The following VEGFC variants were observed in gnomAD, a reference collection of about 807,000 sequenced individuals.
VEGFC encodes vascular endothelial growth factor C, also known as FLT4 ligand DHM.
A neutral mutation model predicts 46.1 loss-of-function variants in VEGFC; 12 were observed. That is an observed-to-expected ratio of 0.26 (90% CI 0.17 to 0.42). VEGFC has a LOEUF of 0.42. Among genes scored for constraint, VEGFC ranks in the 10% least tolerant of loss-of-function variants. The probability of loss-of-function intolerance (pLI) is 1.00; values close to 1 mark genes in which losing one functional copy is unlikely to be tolerated. For synonymous variants in VEGFC, 232 were observed against 195.5 expected (o/e 1.19, Z -1.56); for missense variants, 488 against 529.4 (o/e 0.92, Z 0.77).
chr4:176,739,709 C>T (rs1048525978), intron 1 of VEGFC, among the ~76,000 whole-genome samples: 6 of 151,414 alleles, frequency 4.0e-5, no homozygotes, highest in East Asian at 2.0e-4. Flanking sequence ...CATTTACCTA[C>T]GTAACAAACC....
At position 176,683,821 on chromosome 4, in the gene VEGFC, T is replaced by C. The variant is rs1733985228; in HGVS notation, c.*105A>G. 1 of 894,158 alleles carries C rather than the reference T, an allele frequency of 1.1e-6. No homozygotes were observed. 55.4% of individuals were successfully genotyped at this position (894,158 alleles called of 1,614,324 possible). A position where few individuals can be genotyped will look rare whatever the true frequency, so the allele number is the denominator to read the frequency against. On this transcript the variant is annotated 3_prime_UTR_variant, in exon 7 of 7. Coordinates refer to ENST00000618562, the MANE Select transcript of VEGFC (RefSeq NM_005429.5). ...GGTTCAGGAAAGACAGACTTTTGTC[T>C]TTGTTAGCATGGACCCACAAGGGTC...
intron 1 of VEGFC, among the ~76,000 whole-genome samples, chr4:176,775,672 T>C (rs1735803159): frequency 6.6e-6 from 1 of 152,370 alleles, no homozygotes; most frequent in African/African-American, 2.4e-5. Context: ...AATTCAGGCT[T>C]GCAAAAGCCT....
At chr4:176,771,892 G>A (rs780362681) in intron 1 of VEGFC, among the ~76,000 whole-genome samples, 4 of 152,174 alleles carry the variant, frequency 2.6e-5, no homozygotes, top group Non-Finnish European at 4.4e-5. Context: ...TATCAGAGGA[G>A]CCTGTGATCT....
chr4:176,771,544 A>G (rs1055080036), intron 1 of VEGFC, among the ~76,000 whole-genome samples: 1 of 152,188 alleles, frequency 6.6e-6, no homozygotes, highest in Non-Finnish European at 1.5e-5. Flanking sequence ...AAATGCACTA[A>G]ATGCATTTTT....
intron 1 of VEGFC, among the ~76,000 whole-genome samples, chr4:176,752,832 C>A (rs1257413408): frequency 6.6e-6 from 1 of 152,020 alleles, no homozygotes; most frequent in African/African-American, 2.4e-5. Context: ...GGCTAGGACA[C>A]TTGGTAGCAA....
intron 4 of VEGFC, among the ~76,000 whole-genome samples, chr4:176,693,980 C>T (rs1169934147): frequency 1.1e-4 from 16 of 151,436 alleles, no homozygotes; most frequent in South Asian, 6.3e-4. Flanking sequence ...CTGAAGGAAG[C>T]GCTAAATATG....
intron 3 of VEGFC, among the ~76,000 whole-genome samples, chr4:176,716,587 A>G (rs1472047174): frequency 1.1e-4 from 17 of 148,692 alleles, no homozygotes; most frequent in Admixed American, 1.1e-3. Flanking sequence ...CCTCTCCGAA[A>G]AAAAAAAAAA....
chr4:176,687,707 T>C, intron 5 of VEGFC, 114 bp downstream of exon 5: 1 of 1,010,322 alleles, frequency 9.9e-7, no homozygotes, highest in Non-Finnish European at 1.4e-6. Context: ...GTACTATTTT[T>C]TAGTCACTTA....
At chr4:176,780,175 T>A (rs1735887244) in intron 1 of VEGFC, among the ~76,000 whole-genome samples, 1 of 151,884 alleles carries the variant, frequency 6.6e-6, no homozygotes, top group African/African-American at 2.4e-5. Context: ...AGGTCAGGTG[T>A]TCAAGACCAG....
chr4:176,712,762 A>T (rs900139472), intron 3 of VEGFC, among the ~76,000 whole-genome samples: 3 of 152,210 alleles, frequency 2.0e-5, no homozygotes, highest in Non-Finnish European at 4.4e-5. Context: ...CATGCCAACA[A>T]GGAGACTTTT....
At chr4:176,747,598 C>T (rs1168222177) in intron 1 of VEGFC, among the ~76,000 whole-genome samples, 1 of 152,068 alleles carries the variant, frequency 6.6e-6, no homozygotes, top group South Asian at 2.1e-4. Flanking sequence ...TCAAGACCAT[C>T]CTGGGCAATA....
chr4:176,788,407 T>C (rs1176352487), intron 1 of VEGFC, among the ~76,000 whole-genome samples: 1 of 152,216 alleles, frequency 6.6e-6, no homozygotes, highest in Admixed American at 6.5e-5. Context: ...TCCTGCACGC[T>C]GCTATAGTGT....
At chr4:176,729,786 A>C (rs771410715) in intron 1 of VEGFC, 40 bp from the exon 2 acceptor site, 1 of 1,497,686 alleles carries the variant, frequency 6.7e-7, no homozygotes, top group Non-Finnish European at 8.9e-7. Context: ...TTACCAGCTT[A>C]AGGGATTTAG....
intron 2 of VEGFC, 35 bp from the exon 3 acceptor site, chr4:176,728,003 G>A (rs1368878756): frequency 6.6e-7 from 1 of 1,523,162 alleles, no homozygotes; most frequent in Non-Finnish European, 8.8e-7. Flanking sequence ...AAGTTTTACG[G>A]AAACCACCAA....
chr4:176,687,528 A>T lies in VEGFC; in HGVS notation c.812-8T>A, dbSNP rs771362030. 2 of 1,567,436 alleles carry T rather than the reference A, an allele frequency of 1.3e-6. No homozygotes were observed. Among genetic ancestry groups the T allele is most frequent in the African/African-American group, 2.7e-5 (2 of 72,848 alleles). On this transcript the variant is annotated splice_region_variant and splice_polypyrimidine_tract_variant and intron_variant, in intron 5 of 6. Coordinates refer to ENST00000618562, the MANE Select transcript of VEGFC (RefSeq NM_005429.5). Reference sequence around the variant, plus strand: ...GGAATCCATCTGTTGAGTCTAGACAAATAGTCAGAGAATCTTTACTATACC... The same window carrying T: ...GGAATCCATCTGTTGAGTCTAGACATATAGTCAGAGAATCTTTACTATACC...
intron 1 of VEGFC, among the ~76,000 whole-genome samples, chr4:176,780,387 A>AAAAAAAAAACAAAAC (rs1553997794): frequency 2.6e-5 from 3 of 114,782 alleles, no homozygotes; most frequent in Non-Finnish European, 3.4e-5. Context: ...ATCTCAAAAA[A>AAAAAAAAAACAAAAC]AAAAAAAAAA....
chr4:176,745,245 T>C (rs892416222), intron 1 of VEGFC, among the ~76,000 whole-genome samples: 1 of 152,106 alleles, frequency 6.6e-6, no homozygotes, highest in African/African-American at 2.4e-5. Flanking sequence ...CATCACTATA[T>C]CAATGATTAT....
chr4:176,761,134 T>C (rs1418364610), intron 1 of VEGFC, among the ~76,000 whole-genome samples: 1 of 152,224 alleles, frequency 6.6e-6, no homozygotes, highest in African/African-American at 2.4e-5. Flanking sequence ...CTATACAAAA[T>C]TGTCCTAAAA....
intron 1 of VEGFC, among the ~76,000 whole-genome samples, chr4:176,782,194 C>A (rs144353003): frequency 4.6e-4 from 70 of 152,340 alleles, no homozygotes; most frequent in African/African-American, 1.6e-3. Context: ...TAGGCTGGAA[C>A]AGCGGCTCAT....
Sources: allele counts gnomAD v4.1 joint callset (sites outside exome capture counted in the v4.1 genomes callset), GRCh38; gene constraint gnomAD v4.1.1; transcripts MANE v1.5; gene names NCBI Gene and HGNC (gene_info 2026-07-23, HGNC 2026-07-21).